Variants in P3H2 observed in about 807,000 individuals in gnomAD.
P3H2 encodes leprecan-like 1.
A neutral mutation model predicts 87.0 loss-of-function variants in P3H2; 80 were observed. The ratio of observed to expected loss-of-function variants is 0.92; its 90% CI spans 0.77 to 1.11. P3H2 has a LOEUF of 1.11. Among genes scored for constraint, P3H2 ranks in the 50% least tolerant of loss-of-function variants. The probability of loss-of-function intolerance (pLI) is 0.00; values close to 1 mark genes in which losing one functional copy is unlikely to be tolerated. For missense variants in P3H2, 1,001 were observed against 923.9 expected (o/e 1.08, Z -1.08); for synonymous variants, 367 against 359.3 (o/e 1.02, Z -0.24).
intron 1 of P3H2, among the ~76,000 whole-genome samples, chr3:190,063,277 C>G (rs1286528017): frequency 1.3e-5 from 2 of 152,172 alleles, no homozygotes; most frequent in Non-Finnish European, 2.9e-5. Flanking sequence ...GATCAGTAAT[C>G]TGACATGAAG....
intron 1 of P3H2, among the ~76,000 whole-genome samples, chr3:190,074,889 G>GT (rs2108975383): frequency 6.6e-6 from 1 of 152,294 alleles, no homozygotes; most frequent in South Asian, 2.1e-4. Context: ...CAAATACATG[G>GT]TCAATGTGTA....
intron 1 of P3H2, among the ~76,000 whole-genome samples, chr3:190,109,174 A>G (rs1711970592): frequency 6.6e-6 from 1 of 152,130 alleles, no homozygotes; most frequent in African/African-American, 2.4e-5. Context: ...CATGCCTGAG[A>G]CCTTTAGACT....
At chr3:189,982,737 T>C (rs1400075048) in intron 8 of P3H2, among the ~76,000 whole-genome samples, 1 of 152,218 alleles carries the variant, frequency 6.6e-6, no homozygotes, top group African/African-American at 2.4e-5. Flanking sequence ...AAGTAAACCA[T>C]AGGAAATTGC....
chr3:190,040,299 C>T (rs958890801), intron 1 of P3H2, among the ~76,000 whole-genome samples: 5 of 152,182 alleles, frequency 3.3e-5, no homozygotes, highest in African/African-American at 1.2e-4. Flanking sequence ...TTTATTGGGT[C>T]TATAAACCAT....
At chr3:190,105,375 A>C (rs1711790964) in intron 1 of P3H2, among the ~76,000 whole-genome samples, 1 of 152,178 alleles carries the variant, frequency 6.6e-6, no homozygotes, top group African/African-American at 2.4e-5. Flanking sequence ...TTGAAACTGC[A>C]AAAGGAGATT....
rs557518648 is a variant in P3H2, at chr3:190,020,827, G to A, written c.481-25385C>T. ...CCTAAGGAGTCCTTTTCCAAGGAGA[G>A]GTGGCATCTGTCAAAAATGTCAAAC... On this transcript the variant is annotated intron_variant, in intron 1 of 14. Transcript: ENST00000319332. Among the ~76,000 whole-genome samples the A allele has an allele frequency of 2.9e-4, 39 of 133,552 alleles. 6 individuals carry two copies. The highest frequency in any genetic ancestry group is 8.0e-4 in the African/African-American group (31 of 38,644). 87.6% of individuals were successfully genotyped at this position (133,552 alleles called of 152,430 possible). A position where few individuals can be genotyped will look rare whatever the true frequency, so the allele number is the denominator to read the frequency against.
At chr3:190,075,257 G>T (rs944049079) in intron 1 of P3H2, among the ~76,000 whole-genome samples, 1 of 152,254 alleles carries the variant, frequency 6.6e-6, no homozygotes, top group South Asian at 2.1e-4. Flanking sequence ...AGGCCAAGGC[G>T]GGTGGATCAC....
chr3:189,970,191 AATATATATATATATATAT>A (rs71175322), intron 13 of P3H2, among the ~76,000 whole-genome samples: 18 of 53,980 alleles, frequency 3.3e-4, no homozygotes, highest in South Asian at 1.9e-3. Context: ...TATATATGCA[AATATATATATATATATAT>A]ATATATATAT....
chr3:189,991,666 G>A (rs937929002), intron 3 of P3H2, among the ~76,000 whole-genome samples: 2 of 152,176 alleles, frequency 1.3e-5, no homozygotes, highest in South Asian at 2.1e-4. Flanking sequence ...AATAAGCATG[G>A]CATATTTAAG....
intron 13 of P3H2, among the ~76,000 whole-genome samples, chr3:189,966,115 AAGAAAGAAAAAG>A (rs1439366090): frequency 1.2e-4 from 13 of 109,448 alleles, no homozygotes; most frequent in African/African-American, 5.4e-4. Context: ...AAAAGAAAGA[AAGAAAGAAAAAG>A]AAAGAAAGAA....
chr3:190,025,073 A>G (rs1725046675), intron 1 of P3H2, among the ~76,000 whole-genome samples: 1 of 152,210 alleles, frequency 6.6e-6, no homozygotes, highest in Admixed American at 6.5e-5. Context: ...TGTCATATTT[A>G]GCTCTTAAAA....
chr3:190,094,306 A>G (rs922990653), intron 1 of P3H2, among the ~76,000 whole-genome samples: 2 of 152,218 alleles, frequency 1.3e-5, no homozygotes, highest in Non-Finnish European at 2.9e-5. Context: ...GTTTCTATTT[A>G]GCTTTCTTTA....
intron 1 of P3H2, among the ~76,000 whole-genome samples, chr3:190,052,152 C>G (rs1483116328): frequency 3.3e-5 from 5 of 152,064 alleles, no homozygotes; most frequent in Admixed American, 2.0e-4. Context: ...ATACATGTGC[C>G]GTGGTGGTTT....
intron 14 of P3H2, among the ~76,000 whole-genome samples, chr3:189,959,914 T>TGTGTGTGTG (rs1722762970): frequency 8.8e-6 from 1 of 113,266 alleles, no homozygotes; most frequent in African/African-American, 3.8e-5. Context: ...GTGTGTGTGT[T>TGTGTGTGTG]GGGGTGTGGG....
chr3:190,075,506 GAAAGA>G (rs1224913867), intron 1 of P3H2, among the ~76,000 whole-genome samples: 1 of 151,034 alleles, frequency 6.6e-6, no homozygotes, highest in African/African-American at 2.4e-5. Context: ...AAGAAAAAAA[GAAAGA>G]AAAGAAAAGC....
chr3:189,962,714 A>G (rs775228164), intron 14 of P3H2, among the ~76,000 whole-genome samples: 5 of 152,244 alleles, frequency 3.3e-5, no homozygotes, highest in African/African-American at 1.2e-4. Flanking sequence ...ATAAAAGGTC[A>G]CAATAGGTCT....
At chr3:189,961,639 G>A (rs1366350001) in intron 14 of P3H2, among the ~76,000 whole-genome samples, 1 of 152,080 alleles carries the variant, frequency 6.6e-6, no homozygotes, top group Admixed American at 6.5e-5. Flanking sequence ...ACGATCAATA[G>A]ATGATCTCCA....
At chr3:190,076,242 A>G (rs1726874376) in intron 1 of P3H2, among the ~76,000 whole-genome samples, 1 of 152,042 alleles carries the variant, frequency 6.6e-6, no homozygotes, top group Non-Finnish European at 1.5e-5. Flanking sequence ...CTTAATTTTG[A>G]GATATTTATG....
At chr3:189,974,795 A>G in intron 8 of P3H2, 110 bp from the exon 9 acceptor site, 2 of 1,307,926 alleles carry the variant, frequency 1.5e-6, no homozygotes. Context: ...TTTCTTCATG[A>G]ATATTTAGAA....
Sources: allele counts gnomAD v4.1 joint callset (sites outside exome capture counted in the v4.1 genomes callset), GRCh38; gene constraint gnomAD v4.1.1; transcripts MANE v1.5; gene names NCBI Gene and HGNC (gene_info 2026-07-23, HGNC 2026-07-21).